The following INAVA variants were observed in gnomAD, a reference collection of about 807,000 sequenced individuals.
The protein encoded by INAVA is innate immunity activator protein.
A neutral mutation model predicts 55.3 loss-of-function variants in INAVA; 32 were observed. The observed-to-expected ratio is 0.58, with a 90% CI of 0.44 to 0.78. The LOEUF (loss-of-function observed/expected upper bound fraction) is 0.78, where lower values mean the gene tolerates loss of function less well. Among genes scored for constraint, INAVA ranks in the 30% least tolerant of loss-of-function variants. INAVA has a pLI of 0.00. For synonymous variants in INAVA, 294 were observed against 329.4 expected (o/e 0.89, Z 1.16); for missense variants, 756 against 786.4 (o/e 0.96, Z 0.46).
chr1:200,898,312 G>A lies in INAVA; in HGVS notation c.-89G>A, dbSNP rs1243097704. ...GTTCTCTTTTCTCTTTAAAGCTGGG[G>A]AAGCTCCAGGCTACCTACACAACCT... On this transcript the variant is annotated 5_prime_UTR_variant, in exon 2 of 10. Transcript: ENST00000413687. The A allele has an allele frequency of 1.9e-6, 3 of 1,609,004 alleles. No homozygotes were observed. Among genetic ancestry groups the A allele is most frequent in the Admixed American group, 1.7e-5 (1 of 58,102 alleles).
chr1:200,907,638 C>T (rs1198909206), intron 5 of INAVA, among the ~76,000 whole-genome samples, 196 bp from the exon 6 acceptor site: 1 of 151,148 alleles, frequency 6.6e-6, no homozygotes, highest in African/African-American at 2.4e-5. Context: ...CAGCCTGGGC[C>T]ACAGGGTAAG....
At position 200,913,802 on chromosome 1, in the gene INAVA, A is replaced by T. The variant is rs112931859; in HGVS notation, c.*173A>T. On this transcript the variant is annotated 3_prime_UTR_variant, in exon 10 of 10. Transcript: ENST00000413687. ...TTTTTTCAGAAGCCCTGACCTAAGG[A>T]TTTATATATGTGGATTGTCCTCAAT... 0.1 allele frequency: 59,651 copies of T among 593,786 alleles called. 2,235 individuals carry two copies. The highest frequency in any genetic ancestry group is 0.12 in the Non-Finnish European group (39,296 of 333,570). The allele number at this position is 593,786 out of a possible 1,614,324, so 36.8% of individuals were successfully genotyped here.
intron 2 of INAVA, 93 bp from the exon 3 acceptor site, chr1:200,899,380 T>C: frequency 8.7e-7 from 1 of 1,145,732 alleles, no homozygotes; most frequent in Non-Finnish European, 1.3e-6. Context: ...TGTGCATGTG[T>C]GTGCATGTGC....
Position 200,913,552 on chromosome 1 carries a change from G to A in INAVA, c.1660G>A (p.Val554Met). Reference sequence around the variant, plus strand: ...ACCCTGGCAGGTGCCCACAGTTTGTGTGCTGCGGAGATCGCCTGATGGGGC... The same window carrying A: ...ACCCTGGCAGGTGCCCACAGTTTGTATGCTGCGGAGATCGCCTGATGGGGC... ...GPRAQVPTVC[V>M]LRRSPDGAPV... Residue 554 changes from valine to methionine, a missense_variant, in exon 10 of 10, where the codon GTG (valine) becomes ATG (methionine). This residue lies in a region of INAVA where 117 missense variants were observed against 162.1 expected (regional missense o/e 0.72). Transcript: ENST00000413687. The A allele has an allele frequency of 2.5e-6, 4 of 1,614,096 alleles. No homozygotes were observed. Among genetic ancestry groups the A allele is most frequent in the Non-Finnish European group, 3.4e-6 (4 of 1,179,996 alleles).
At chr1:200,903,022 C>A (rs1379053076) in intron 5 of INAVA, 1 of 152,284 alleles carries the variant, frequency 6.6e-6, no homozygotes, top group Non-Finnish European at 1.5e-5. Flanking sequence ...CATCAGGAAT[C>A]AAGATCCCAC....
At chr1:200,901,432 A>G (rs1653250631) in intron 5 of INAVA, among the ~76,000 whole-genome samples, 1 of 152,130 alleles carries the variant, frequency 6.6e-6, no homozygotes, top group African/African-American at 2.4e-5. Flanking sequence ...CTACACAGAG[A>G]TATTTCTCAG....
Position 200,900,167 on chromosome 1 carries a change from C to T in INAVA, c.244C>T (p.Arg82Cys), listed in dbSNP as rs367914105. The change falls in exon 4 of 10, where the codon CGC becomes TGC. Residue 82 changes from arginine (R) to cysteine (C), a missense_variant. Arg to Cys is a radical substitution (Grantham distance 180). This residue lies in a region of INAVA where 639 missense variants were observed against 624.3 expected (regional missense o/e 1.02). Transcript: ENST00000413687. ...ACCAGGGGAAAAGGCCCCCAAGGTT[C>T]GCCGCAGGATCGGAGCGGCTTACAA... is the stretch of plus-strand genomic sequence containing the variant. ...LKPGEKAPKV[R>C]RRIGAAYKLD... 42 of 1,614,018 alleles carry T rather than the reference C, an allele frequency of 2.6e-5. No homozygotes were observed. Among genetic ancestry groups the T allele is most frequent in the Admixed American group, 5.0e-5 (3 of 59,998 alleles).
At chr1:200,899,157 A>G (rs745622827) in intron 2 of INAVA, among the ~76,000 whole-genome samples, 5 of 151,468 alleles carry the variant, frequency 3.3e-5, no homozygotes, top group Non-Finnish European at 7.4e-5. Flanking sequence ...AGGAGAAGGA[A>G]AAGAGGAAGA....
chr1:200,907,995 G>A, intron 6 of INAVA, 108 bp downstream of exon 6: 1 of 883,692 alleles, frequency 1.1e-6, no homozygotes, highest in South Asian at 1.5e-5. Flanking sequence ...GAAGGCTAGG[G>A]TGCCAGGCTT....
rs181091158 is a variant in INAVA at position 200,913,687 on chromosome 1, C to A, written c.*58C>A. ...TAGAGGGGCTGGGCTGAGACCCCCC[C>A]ACCCCTGAGTGCCTCTTTCAGCTCC... On this transcript the variant is annotated 3_prime_UTR_variant, in exon 10 of 10. Coordinates refer to ENST00000413687, the MANE Select transcript of INAVA (RefSeq NM_001142569.3). The A allele has an allele frequency of 0.011, 15,678 of 1,404,176 alleles. 74 individuals are homozygous for A. Among genetic ancestry groups the A allele is most frequent in the Middle Eastern group, 0.027 (111 of 4,044 alleles). 87.0% of individuals were successfully genotyped at this position (1,404,176 alleles called of 1,614,324 possible).
chr1:200,905,144 G>A (rs1370153761), intron 5 of INAVA, among the ~76,000 whole-genome samples: 1 of 152,196 alleles, frequency 6.6e-6, no homozygotes, highest in East Asian at 1.9e-4. Flanking sequence ...GGCTACTTGT[G>A]AGCCAAGCAA....
chr1:200,913,524 C>T lies in INAVA; in HGVS notation c.1645-13C>T. 6.2e-7 allele frequency: 1 copy of T among 1,612,780 alleles called. No homozygotes were observed. The highest frequency in any genetic ancestry group is 1.1e-5 in the South Asian group (1 of 91,028). Reference sequence around the variant, plus strand: ...TCATTTACCCACCTGTCCTTTCTTCCTGACCCTGGCAGGTGCCCACAGTTT... The same window carrying T: ...TCATTTACCCACCTGTCCTTTCTTCTTGACCCTGGCAGGTGCCCACAGTTT... On this transcript the variant is annotated splice_polypyrimidine_tract_variant and intron_variant, in intron 9 of 9. Transcript: ENST00000413687.
At position 200,912,944 on chromosome 1, in the gene INAVA, T is replaced by C. The variant is rs554300625; in HGVS notation, c.1645-593T>C. Among the ~76,000 whole-genome samples, 8 of 152,276 alleles carry C rather than the reference T, an allele frequency of 5.3e-5. No individual in the cohort carries two copies. In the South Asian group the frequency reaches 1.7e-3, roughly 32 times the overall value. ...GCAGCCTTGGTTTCCTTGGCCCCTA[T>C]TTCTTCATTCTGGAAGTGGGGAGCC... On this transcript the variant is annotated intron_variant, in intron 9 of 9. Coordinates refer to ENST00000413687, the MANE Select transcript of INAVA (RefSeq NM_001142569.3).
chr1:200,909,071 T>C, intron 7 of INAVA, 131 bp downstream of exon 7: 1 of 1,302,820 alleles, frequency 7.7e-7, no homozygotes, highest in Admixed American at 2.7e-5. Context: ...AGTCGTGGGA[T>C]GGAGGTGTGA....
At chr1:200,909,755 G>C (rs1427736784) in intron 8 of INAVA, among the ~76,000 whole-genome samples, 2 of 152,152 alleles carry the variant, frequency 1.3e-5, no homozygotes, top group African/African-American at 4.8e-5. Flanking sequence ...CATTATCTGT[G>C]GTAGTTATGT....
At chr1:200,891,968 G>A (rs1178398255), upstream of INAVA, among the ~76,000 whole-genome samples, 1 of 151,820 alleles carries the variant, frequency 6.6e-6, no homozygotes, top group Non-Finnish European at 1.5e-5. Flanking sequence ...CAAAGTCTCG[G>A]GCCAGCCTGG....
intron 5 of INAVA, among the ~76,000 whole-genome samples, chr1:200,901,869 G>C (rs536641122): frequency 6.6e-6 from 1 of 152,286 alleles, no homozygotes; most frequent in African/African-American, 2.4e-5. Context: ...TTGATGCCCA[G>C]GTGCTGCCAC....
At chr1:200,904,834 G>A (rs1653415989) in intron 5 of INAVA, among the ~76,000 whole-genome samples, 1 of 151,914 alleles carries the variant, frequency 6.6e-6, no homozygotes, top group South Asian at 2.1e-4. Flanking sequence ...CTGGGCTCAA[G>A]TGATCTTCCT....
chr1:200,909,458 G>A, intron 8 of INAVA, 61 bp downstream of exon 8: 1 of 1,373,844 alleles, frequency 7.3e-7, no homozygotes, highest in Non-Finnish European at 9.6e-7. Context: ...TTGGAGGGTG[G>A]GAGCTCCCAG....
Sources: gnomAD v4.1 joint callset for allele counts (sites outside exome capture counted in the v4.1 genomes callset) on GRCh38, gnomAD v4.1.1 for gene constraint, gnomAD v4.1.1 regional missense constraint, MANE v1.5 for transcripts, NCBI Gene and HGNC (gene_info 2026-07-23, HGNC 2026-07-21) for gene names.